STXBP2: variants seen among roughly 807,000 people sequenced by gnomAD.
The protein encoded by STXBP2 is syntaxin-binding protein 2.
A neutral mutation model predicts 72.2 loss-of-function variants in STXBP2; 47 were observed. That is an observed-to-expected ratio of 0.65 (90% CI 0.51 to 0.83). STXBP2 has a LOEUF of 0.83. STXBP2 is among the 40% of genes least tolerant of loss of function. STXBP2 has a pLI of 0.00. For missense variants in STXBP2, 702 were observed against 807.6 expected (o/e 0.87, Z 1.58); for synonymous variants, 367 against 338.7 (o/e 1.08, Z -0.92).
chr19:7,640,410 ATGTATG>A (rs1568465386), intron 4 of STXBP2: 1 of 527,262 alleles, frequency 1.9e-6, no homozygotes, highest in African/African-American at 3.5e-5. Context: ...ATATGTGTGT[ATGTATG>A]TGTGCGCGCG....
chr19:7,632,395 T>A (rs556684470), upstream of STXBP2: 10 of 1,613,736 alleles, frequency 6.2e-6, no homozygotes, highest in African/African-American at 9.3e-5. The surrounding 1 kb of genome is among the most constrained non-coding windows in gnomAD (Gnocchi z 5.2). Flanking sequence ...TCACCTACCT[T>A]GGACCCCACG....
chr19:7,644,187 G>A (rs1209476651), intron 13 of STXBP2, among the ~76,000 whole-genome samples: 1 of 100,624 alleles, frequency 9.9e-6, no homozygotes, highest in Non-Finnish European at 2.0e-5. Context: ...GTGGAGCCTC[G>A]GAGAGGTGGG....
intron 13 of STXBP2, 90 bp downstream of exon 13, chr19:7,643,335 G>A: frequency 7.2e-7 from 1 of 1,381,908 alleles, no homozygotes; most frequent in Admixed American, 2.0e-5. Flanking sequence ...GGGGGTTCTG[G>A]GGGAGGGGCA....
rs187111635 is a variant in STXBP2 at position 7,643,071 on chromosome 19, C to G, written c.1026+23C>G. The G allele has an allele frequency of 3.1e-6, 5 of 1,613,946 alleles. No individual in the cohort carries two copies. The African/African-American group carries it at 6.7e-5, about 22-fold the overall frequency. The stretch of plus-strand genomic sequence containing the variant: ...AAGGTGTGCTCGGGTGGGCAGGGAG[C>G]GGGGACACCTCGGCCCCTCAACCCC... On this transcript the variant is annotated intron_variant, in intron 12 of 18. Transcript: ENST00000221283.
intron 6 of STXBP2, 24 bp from the exon 7 acceptor site, chr19:7,641,681 T>G (rs2031882092): frequency 1.3e-6 from 2 of 1,550,734 alleles, no homozygotes; most frequent in Non-Finnish European, 1.7e-6. Context: ...GCAACCCTGG[T>G]GCTTCTGTCC....
Position 7,645,323 on chromosome 19 carries a change from C to T in STXBP2, c.1356+17C>T. ...AACCCCGGGGTACGCCAGGAGCGGG[C>T]ATGGGGGGACCCTGGGAGAGGGTGC... is the stretch of plus-strand genomic sequence containing the variant. On this transcript the variant is annotated intron_variant, in intron 15 of 18. Coordinates refer to ENST00000221283, the MANE Select transcript of STXBP2 (RefSeq NM_006949.4). 3 of 1,565,772 alleles carry T rather than the reference C, an allele frequency of 1.9e-6. No individual in the cohort carries two copies. The highest frequency in any genetic ancestry group is 1.2e-5 in the South Asian group (1 of 85,556).
chr19:7,633,417 G>C (rs764220504), upstream of STXBP2: 2 of 1,573,660 alleles, frequency 1.3e-6, no homozygotes, highest in East Asian at 2.3e-5. Flanking sequence ...CTCGGCACAG[G>C]GGCCTGAGCC....
At chr19:7,634,127 G>T (rs2031442582), upstream of STXBP2, among the ~76,000 whole-genome samples, 1 of 152,212 alleles carries the variant, frequency 6.6e-6, no homozygotes, top group African/African-American at 2.4e-5. Flanking sequence ...CTAAATGCCA[G>T]GTTGAGCTAT....
chr19:7,645,967 A>G lies in STXBP2; in HGVS notation c.1357-282A>G, dbSNP rs1348120440. ...ATCTCTTGTCTCTCTCTTTGCCTTCATACTTTGTCTCACTGCTTCTTATCT... is the reference window on the plus strand; with the variant it reads ...ATCTCTTGTCTCTCTCTTTGCCTTCGTACTTTGTCTCACTGCTTCTTATCT... On this transcript the variant is annotated intron_variant, in intron 15 of 18. Transcript: ENST00000221283. The G allele has an allele frequency of 3.4e-5, 18 of 532,254 alleles. No individual in the cohort carries two copies. The South Asian group carries it at 3.7e-4, about 11-fold the overall frequency. 33.0% of individuals were successfully genotyped at this position (532,254 alleles called of 1,614,324 possible). A position where few individuals can be genotyped will look rare whatever the true frequency, so the allele number is the denominator to read the frequency against.
rs775053778 is a variant in STXBP2 at position 7,642,035 on chromosome 19, G to A, written c.580G>A (p.Gly194Ser). Residue 194 changes from glycine to serine, a missense_variant and splice_region_variant, in exon 8 of 19, where the codon GGC (glycine) becomes AGC (serine). By Grantham distance (56) the Gly-to-Ser change is moderately conservative. Coordinates refer to ENST00000221283, the MANE Select transcript of STXBP2 (RefSeq NM_006949.4). This position sits in a 1 kb window ranked among gnomAD's most constrained non-coding sequence, Gnocchi z 6.0. The stretch of plus-strand genomic sequence containing the variant: ...CCCCGTGTCTGACCTCCCCGCCAGG[G>A]GCCCAGAGGACACAGCCCAGTTGGC... Reference protein sequence around the residue: ...QEYPAIRYRKGPEDTAQLAHA... With the variant: ...QEYPAIRYRKSPEDTAQLAHA... 1 of 1,613,844 alleles carries A rather than the reference G, an allele frequency of 6.2e-7. No individual in the cohort carries two copies. The highest frequency in any genetic ancestry group is 8.5e-7 in the Non-Finnish European group (1 of 1,179,932).
At chr19:7,640,297 T>G (rs1402652913) in intron 4 of STXBP2, 2 of 563,246 alleles carry the variant, frequency 3.6e-6, no homozygotes, top group East Asian at 8.1e-5. Flanking sequence ...TGTGCATGTG[T>G]CTATGTATGT....
At chr19:7,641,479 G>C (rs116683912) in intron 6 of STXBP2, among the ~76,000 whole-genome samples, 1 of 152,178 alleles carries the variant, frequency 6.6e-6, no homozygotes, top group African/African-American at 2.4e-5. Flanking sequence ...AGCGTAGAGC[G>C]CACCGCGGGG....
chr19:7,638,261 C>T (rs1356074000), intron 1 of STXBP2, among the ~76,000 whole-genome samples: 2 of 152,246 alleles, frequency 1.3e-5, no homozygotes, highest in African/African-American at 4.8e-5. Context: ...GTTTCCCTGT[C>T]TGTAAATTGG....
rs756350869 is a variant in STXBP2 at position 7,639,111 on chromosome 19, G to A, written c.169+11G>A. ...CTGAGGGCATCACCAGTGAGTGAAC[G>A]CGTCCCCAGTGAGATGGGACCTGAG... On this transcript the variant is annotated intron_variant, in intron 3 of 18. Transcript: ENST00000221283. 3 of 1,613,920 alleles carry A rather than the reference G, an allele frequency of 1.9e-6. No homozygotes were observed. The highest frequency in any genetic ancestry group is 1.7e-5 in the Admixed American group (1 of 60,008).
chr19:7,633,215 G>A (rs913532318), upstream of STXBP2, among the ~76,000 whole-genome samples: 1 of 152,200 alleles, frequency 6.6e-6, no homozygotes, highest in Non-Finnish European at 1.5e-5. Context: ...GGGTCCACAC[G>A]GAGAGCCCTG....
intron 16 of STXBP2, 96 bp downstream of exon 16, chr19:7,646,440 G>GA: frequency 8.6e-7 from 1 of 1,161,204 alleles, no homozygotes; most frequent in Non-Finnish European, 1.3e-6. Flanking sequence ...GGGCTTAGGG[G>GA]AAAATGCTCA....
chr19:7,634,153 A>T (rs918512344), upstream of STXBP2, among the ~76,000 whole-genome samples: 5 of 151,784 alleles, frequency 3.3e-5, no homozygotes, highest in Non-Finnish European at 7.4e-5. Flanking sequence ...CTCCTCTATC[A>T]CCCTAGCCCC....
In STXBP2 at chr19:7,647,672, A is replaced by G. The variant is rs530131374; in HGVS notation, c.1697-53A>G. 4.4e-6 allele frequency: 7 copies of G among 1,608,506 alleles called. No individual in the cohort carries two copies. In the African/African-American group the frequency reaches 5.3e-5, roughly 12 times the overall value. The stretch of plus-strand genomic sequence containing the variant: ...ACCAGCCGGGACCGGGAGCCTGTCA[A>G]AGACGAAGGCAGCGCCCCCCAACAT... On this transcript the variant is annotated intron_variant, in intron 18 of 18. Coordinates refer to ENST00000221283, the MANE Select transcript of STXBP2 (RefSeq NM_006949.4).
upstream of STXBP2, chr19:7,632,259 C>T: frequency 7.3e-7 from 1 of 1,371,250 alleles, no homozygotes; most frequent in South Asian, 1.3e-5. The surrounding 1 kb of genome is among the most constrained non-coding windows in gnomAD (Gnocchi z 5.2). Context: ...GGGCCTTGGT[C>T]CTCCCATCTG....
Sources: allele counts gnomAD v4.1 joint callset (sites outside exome capture counted in the v4.1 genomes callset), GRCh38; gene constraint gnomAD v4.1.1; non-coding constraint Gnocchi (gnomAD v3.1); transcripts MANE v1.5; gene names NCBI Gene and HGNC (gene_info 2026-07-23, HGNC 2026-07-21).